The following CCDC3 variants were observed in gnomAD, a reference collection of about 807,000 sequenced individuals.
The protein encoded by CCDC3 is coiled-coil domain-containing protein 3.
A neutral mutation model predicts 21.4 loss-of-function variants in CCDC3; 24 were observed. The ratio of observed to expected loss-of-function variants is 1.12; its 90% confidence interval spans 0.81 to 1.58. The LOEUF (loss-of-function observed/expected upper bound fraction) is 1.58. Among genes scored for constraint, CCDC3 ranks in the 40% most tolerant of loss-of-function variants. The probability of loss-of-function intolerance (pLI) is 0.00; values close to 1 mark genes in which losing one functional copy is unlikely to be tolerated. For synonymous variants in CCDC3, 186 were observed against 166.0 expected (o/e 1.12, Z -0.93); for missense variants, 425 against 360.9 (o/e 1.18, Z -1.44).
chr10:13,084,819 G>T (rs866884178), intron 3 of CCDC3, among the ~76,000 whole-genome samples: 3 of 152,164 alleles, frequency 2.0e-5, no homozygotes, highest in African/African-American at 7.2e-5. Flanking sequence ...GAGTGAGATT[G>T]TCTAGGGAGA....
At chr10:12,986,497 G>A (rs546601380) in intron 2 of CCDC3, among the ~76,000 whole-genome samples, 5 of 151,998 alleles carry the variant, frequency 3.3e-5, no homozygotes, top group Non-Finnish European at 5.9e-5. Context: ...CCTGTAGGCC[G>A]GGCACAGTGG....
At chr10:13,083,119 G>T (rs1437991730) in intron 3 of CCDC3, among the ~76,000 whole-genome samples, 1 of 152,008 alleles carries the variant, frequency 6.6e-6, no homozygotes, top group East Asian at 1.9e-4. Flanking sequence ...GTGAGTTCAG[G>T]CACTTCCAAG....
At chr10:12,989,470 G>A (rs543898601) in intron 2 of CCDC3, among the ~76,000 whole-genome samples, 48 of 152,264 alleles carry the variant, frequency 3.2e-4, no homozygotes, top group African/African-American at 1.0e-3. Flanking sequence ...CGCCCAAGCT[G>A]GAGTGTAATG....
intron 2 of CCDC3, among the ~76,000 whole-genome samples, chr10:12,987,887 A>G (rs1835622117): frequency 6.6e-6 from 1 of 152,174 alleles, no homozygotes; most frequent in Non-Finnish European, 1.5e-5. Context: ...TCCCAGAGCC[A>G]CTGCTACCCA....
At chr10:12,906,849 C>G (rs1834181033) in intron 2 of CCDC3, among the ~76,000 whole-genome samples, 2 of 152,182 alleles carry the variant, frequency 1.3e-5, no homozygotes, top group Non-Finnish European at 2.9e-5. Context: ...CGAGCTTGAC[C>G]TTTGCTGCTG....
rs949865590 is a variant in CCDC3, at chr10:12,984,628, G to A, written c.549+13710C>T. Among the ~76,000 whole-genome samples the A allele has an allele frequency of 2.6e-5, 4 of 152,122 alleles. No homozygotes were observed. In the South Asian group the frequency reaches 6.2e-4, roughly 24 times the overall value. Reference sequence around the variant, plus strand: ...TTCATAGCAGCATTATTTATAACAGGCAAGAGTGGAAACAAATCAAATGCC... The same window carrying A: ...TTCATAGCAGCATTATTTATAACAGACAAGAGTGGAAACAAATCAAATGCC... On this transcript the variant is annotated intron_variant, in intron 2 of 2. Coordinates refer to ENST00000378825, the MANE Select transcript of CCDC3 (RefSeq NM_031455.4).
chr10:12,984,789 T>A (rs898336443), intron 2 of CCDC3, among the ~76,000 whole-genome samples: 2 of 152,180 alleles, frequency 1.3e-5, no homozygotes, highest in African/African-American at 2.4e-5. Context: ...GAGACTTGCC[T>A]GAGACAGACA....
intron 2 of CCDC3, among the ~76,000 whole-genome samples, chr10:12,994,508 T>C (rs1002796804): frequency 6.6e-6 from 1 of 151,798 alleles, no homozygotes; most frequent in Non-Finnish European, 1.5e-5. Context: ...GATCGGCACA[T>C]AATACAAGAA....
chr10:12,906,397 A>G (rs1834172819), intron 2 of CCDC3, among the ~76,000 whole-genome samples: 1 of 152,204 alleles, frequency 6.6e-6, no homozygotes, highest in South Asian at 2.1e-4. Context: ...AGATGGAGTC[A>G]GGGAAGAGGC....
At chr10:13,087,482 T>C (rs1177553666) in intron 3 of CCDC3, among the ~76,000 whole-genome samples, 3 of 151,432 alleles carry the variant, frequency 2.0e-5, no homozygotes, top group Admixed American at 2.0e-4. Context: ...CCCTTCTCCA[T>C]GTCCACTCCT....
At chr10:12,977,211 G>A (rs1460250807) in intron 2 of CCDC3, among the ~76,000 whole-genome samples, 1 of 152,136 alleles carries the variant, frequency 6.6e-6, no homozygotes, top group East Asian at 1.9e-4. Context: ...GGAGGCAGAG[G>A]TTGCTGTGAG....
intron 2 of CCDC3, among the ~76,000 whole-genome samples, chr10:12,914,569 C>G (rs1834320917): frequency 6.6e-6 from 1 of 152,044 alleles, no homozygotes. Context: ...CTCAGCCTCC[C>G]AAGCAGCTGG....
Position 13,037,380 on chromosome 10 carries a change from A to G in CCDC3, c.-2+12294T>C, listed in dbSNP as rs1194695453. Reference sequence around the variant, plus strand: ...AACCATAATGCCATTAACACATCCAACAAAATTAATCATCTGACACTTGAT... The same window carrying G: ...AACCATAATGCCATTAACACATCCAGCAAAATTAATCATCTGACACTTGAT... On this transcript the variant is annotated intron_variant, in intron 5 of 6. Coordinates refer to the CCDC3 transcript ENST00000378839. Among the ~76,000 whole-genome samples, 6 of 152,186 alleles carry G rather than the reference A, an allele frequency of 3.9e-5. 1 individual carries two copies. The highest frequency in any genetic ancestry group is 9.7e-5 in the African/African-American group (4 of 41,444).
At position 12,930,826 on chromosome 10, in the gene CCDC3, T is replaced by C. The variant is rs77814871; in HGVS notation, c.550-32147A>G. ...CAGTGCCGAGGTCAAGAAGCCCCATTCTAGGGTACCTGGAGCATAGAGCAC... is the reference window on the plus strand; with the variant it reads ...CAGTGCCGAGGTCAAGAAGCCCCATCCTAGGGTACCTGGAGCATAGAGCAC... On this transcript the variant is annotated intron_variant, in intron 2 of 2. Transcript: ENST00000378825. Among the ~76,000 whole-genome samples, 1,406 of 152,142 alleles carry C rather than the reference T, an allele frequency of 9.2e-3. 23 individuals carry two copies. The highest frequency in any genetic ancestry group is 0.032 in the African/African-American group (1,330 of 41,496).
chr10:13,074,141 ATATATATATATATTTTT>A (rs1836921121), intron 3 of CCDC3: 2 of 18,872 alleles, frequency 1.1e-4, no homozygotes, highest in South Asian at 5.6e-3. Context: ...ATATATATAT[ATATATATATATATTTTT>A]TTTTTTTTTT....
intron 2 of CCDC3, among the ~76,000 whole-genome samples, chr10:12,938,597 T>C (rs1481411318): frequency 6.6e-6 from 1 of 152,218 alleles, no homozygotes; most frequent in African/African-American, 2.4e-5. Flanking sequence ...GCTTATAAGA[T>C]GTGAATAACA....
At chr10:12,950,203 C>T (rs1452889189) in intron 2 of CCDC3, among the ~76,000 whole-genome samples, 1 of 152,196 alleles carries the variant, frequency 6.6e-6, no homozygotes. Flanking sequence ...GAAGCTGTTA[C>T]CAGTGCCCTG....
At chr10:12,932,917 A>T (rs1025648424) in intron 2 of CCDC3, among the ~76,000 whole-genome samples, 1 of 152,150 alleles carries the variant, frequency 6.6e-6, no homozygotes, top group African/African-American at 2.4e-5. Context: ...TATTGATATG[A>T]TCATGTGATT....
chr10:13,078,571 T>C (rs1836993481), intron 3 of CCDC3, among the ~76,000 whole-genome samples: 1 of 152,212 alleles, frequency 6.6e-6, no homozygotes, highest in South Asian at 2.1e-4. Context: ...ATATGTTTAT[T>C]GCGGCACTAT....
Sources: allele counts gnomAD v4.1 joint callset (sites outside exome capture counted in the v4.1 genomes callset), GRCh38; gene constraint gnomAD v4.1.1; transcripts MANE v1.5; gene names NCBI Gene and HGNC (gene_info 2026-07-23, HGNC 2026-07-21).